MAGI2: variants seen among roughly 807,000 people sequenced by gnomAD.
The protein encoded by MAGI2 is membrane-associated guanylate kinase, WW and PDZ domain-containing protein 2.
A neutral mutation model predicts 133.3 loss-of-function variants in MAGI2; 35 were observed. The ratio of observed to expected loss-of-function variants is 0.26; its 90% CI spans 0.20 to 0.35. The LOEUF is 0.35. MAGI2 is among the 10% of genes least tolerant of loss of function. The pLI, the probability that MAGI2 is intolerant of heterozygous loss-of-function variation, is 1.00. For synonymous variants in MAGI2, 729 were observed against 710.6 expected, an observed-to-expected ratio of 1.03 and a Z score of -0.41; for missense variants, 1,636 against 1,863.4, an observed-to-expected ratio of 0.88 and a Z score of 2.25.
chr7:78,902,882 A>C (rs993287197), intron 2 of MAGI2, among the ~76,000 whole-genome samples: 1 of 152,162 alleles, frequency 6.6e-6, no homozygotes, highest in African/African-American at 2.4e-5. Context: ...ATTGTAAACA[A>C]TACATGACAC....
chr7:79,293,571 T>C (rs1836671544), intron 1 of MAGI2, among the ~76,000 whole-genome samples: 1 of 144,916 alleles, frequency 6.9e-6, no homozygotes, highest in African/African-American at 2.9e-5. Flanking sequence ...GTCTGGCACC[T>C]ATGTGTTAGG....
Position 78,370,605 on chromosome 7 carries a change from C to T in MAGI2, c.1046-1392G>A, listed in dbSNP as rs571245199. ...ACATATATTACCAGATTTCTACCTT[C>T]CCAACTCATAAAAAAGTACTAATTT... On this transcript the variant is annotated intron_variant, in intron 6 of 21. Transcript: ENST00000354212. 2.2e-3 allele frequency among the ~76,000 whole-genome samples: 257 copies of T among 115,592 alleles called. 1 individual carries two copies. The highest frequency in any genetic ancestry group is 4.7e-3 in the Non-Finnish European group (224 of 47,854). The allele number at this position is 115,592 out of a possible 152,430, so 75.8% of individuals were successfully genotyped here. A position where few individuals can be genotyped will look rare whatever the true frequency, so the allele number is the denominator to read the frequency against.
intron 21 of MAGI2, among the ~76,000 whole-genome samples, chr7:78,070,159 A>G (rs1814362135): frequency 1.9e-5 from 1 of 52,612 alleles, no homozygotes. Flanking sequence ...ACACACATAT[A>G]TATACACACA....
At chr7:79,250,617 T>C (rs1833176543) in intron 1 of MAGI2, among the ~76,000 whole-genome samples, 1 of 151,962 alleles carries the variant, frequency 6.6e-6, no homozygotes, top group South Asian at 2.1e-4. Flanking sequence ...CACAAAGAAA[T>C]GGAAAGACAT....
intron 18 of MAGI2, among the ~76,000 whole-genome samples, chr7:78,129,126 C>A (rs989993038): frequency 1.3e-5 from 2 of 152,052 alleles, no homozygotes; most frequent in Admixed American, 6.5e-5. Context: ...AATTTCCAAC[C>A]AAATGTGACA....
intron 7 of MAGI2, chr7:78,352,034 A>G (rs1791572109): frequency 6.6e-6 from 1 of 152,348 alleles, no homozygotes; most frequent in Admixed American, 6.5e-5. Context: ...GATAAAAATA[A>G]TATTCACCTT....
chr7:78,356,641 A>C (rs904871880), intron 7 of MAGI2, among the ~76,000 whole-genome samples: 3 of 152,352 alleles, frequency 2.0e-5, no homozygotes, highest in African/African-American at 4.8e-5. Context: ...AAACATGTTA[A>C]TTAGCAAGGA....
chr7:79,247,190 A>G (rs1399182205), intron 1 of MAGI2, among the ~76,000 whole-genome samples: 1 of 152,352 alleles, frequency 6.6e-6, no homozygotes, highest in East Asian at 1.9e-4. Context: ...AATGAGCAAT[A>G]AGAAATCATC....
chr7:78,274,210 C>T (rs1190388377), intron 9 of MAGI2, among the ~76,000 whole-genome samples: 1 of 152,158 alleles, frequency 6.6e-6, no homozygotes, highest in African/African-American at 2.4e-5. Context: ...CTGCAGGTCT[C>T]CTGGAGTTTG....
At chr7:79,018,231 A>G (rs2116658985) in intron 1 of MAGI2, among the ~76,000 whole-genome samples, 1 of 152,048 alleles carries the variant, frequency 6.6e-6, no homozygotes, top group Non-Finnish European at 1.5e-5. Context: ...AGCAGAAGAG[A>G]TTGGGGGAAT....
intron 2 of MAGI2, among the ~76,000 whole-genome samples, chr7:78,640,280 C>A (rs1810145234): frequency 6.6e-6 from 1 of 151,702 alleles, no homozygotes; most frequent in South Asian, 2.1e-4. Context: ...ATAAAACTAT[C>A]CTGTAATAAA....
chr7:78,098,005 A>G (rs1817867840), intron 20 of MAGI2, among the ~76,000 whole-genome samples: 1 of 152,170 alleles, frequency 6.6e-6, no homozygotes, highest in Non-Finnish European at 1.5e-5. Context: ...TGTTATTAAA[A>G]TTATGTAATA....
intron 14 of MAGI2, 117 bp from the exon 15 acceptor site, chr7:78,168,225 A>G (rs1825804668): frequency 2.5e-6 from 2 of 808,736 alleles, no homozygotes; most frequent in Non-Finnish European, 1.9e-6. Flanking sequence ...GCCCAGTCTC[A>G]GCTCACTGCA....
chr7:78,516,081 CAA>C (rs1796016715), intron 4 of MAGI2, among the ~76,000 whole-genome samples: 1 of 152,036 alleles, frequency 6.6e-6, no homozygotes, highest in Non-Finnish European at 1.5e-5. Context: ...GAAAAGTCAA[CAA>C]GGGATTCCCA....
At chr7:78,450,240 AT>A (rs1274568372) in intron 6 of MAGI2, among the ~76,000 whole-genome samples, 1 of 152,062 alleles carries the variant, frequency 6.6e-6, no homozygotes, top group Non-Finnish European at 1.5e-5. Context: ...CATTCATATG[AT>A]TTAAACAATA....
chr7:78,781,065 G>C (rs1270328662), intron 2 of MAGI2, among the ~76,000 whole-genome samples: 1 of 152,098 alleles, frequency 6.6e-6, no homozygotes, highest in African/African-American at 2.4e-5. Flanking sequence ...TTCTGATTGT[G>C]AGATACTGTG....
At position 79,061,503 on chromosome 7, in the gene MAGI2, G is replaced by A. The variant is rs550359906; in HGVS notation, c.302-54297C>T. Among the ~76,000 whole-genome samples the A allele has an allele frequency of 3.6e-4, 55 of 152,044 alleles. 1 individual carries two copies. The highest frequency in any genetic ancestry group is 1.3e-3 in the African/African-American group (54 of 41,500). On this transcript the variant is annotated intron_variant, in intron 1 of 21. Coordinates refer to ENST00000354212, the MANE Select transcript of MAGI2 (RefSeq NM_012301.4). Reference sequence around the variant, plus strand: ...GTGCACAGGCCAACAAATATCAGAAGGTTGTAGTCTTAAATAAGGACCCGC... The same window carrying A: ...GTGCACAGGCCAACAAATATCAGAAAGTTGTAGTCTTAAATAAGGACCCGC...
At chr7:78,195,975 GCT>G (rs1050016812) in intron 11 of MAGI2, among the ~76,000 whole-genome samples, 19 of 152,242 alleles carry the variant, frequency 1.2e-4, no homozygotes, top group African/African-American at 4.6e-4. Flanking sequence ...CTGAAACTCT[GCT>G]CTGAGTATGC....
At chr7:79,102,752 AAG>A (rs1818094850) in intron 1 of MAGI2, among the ~76,000 whole-genome samples, 1 of 152,228 alleles carries the variant, frequency 6.6e-6, no homozygotes. Flanking sequence ...TTTAGAAAGA[AAG>A]AGAGAAAAGG....
Sources: gnomAD v4.1 joint callset for allele counts (sites outside exome capture counted in the v4.1 genomes callset) on GRCh38, gnomAD v4.1.1 for gene constraint, MANE v1.5 for transcripts, NCBI Gene and HGNC (gene_info 2026-07-23, HGNC 2026-07-21) for gene names.